The following CTNNA3 variants were observed in gnomAD, a reference collection of about 807,000 sequenced individuals.
The protein encoded by CTNNA3 is catenin alpha 3, also known as catenin alpha-3.
In CTNNA3, 76 loss-of-function variants were observed where a neutral mutation model predicts 95.7. That is an observed-to-expected ratio of 0.79 (90% CI 0.66 to 0.96). CTNNA3 has a LOEUF of 0.96. Ranked by LOEUF, CTNNA3 falls within the 40% of genes least tolerant of loss-of-function variation. The pLI is 0.00. For synonymous variants in CTNNA3, 431 were observed against 374.4 expected (o/e 1.15, Z -1.74); for missense variants, 1,191 against 1,089.8 (o/e 1.09, Z -1.31).
intron 4 of CTNNA3, among the ~76,000 whole-genome samples, chr10:67,533,901 G>A (rs1035648204): frequency 6.6e-6 from 1 of 151,632 alleles, no homozygotes; most frequent in African/African-American, 2.4e-5. Flanking sequence ...ATACTTCAAC[G>A]GGATTGAAAA....
chr10:67,001,095 G>A (rs1369761018), intron 7 of CTNNA3, among the ~76,000 whole-genome samples: 2 of 151,960 alleles, frequency 1.3e-5, no homozygotes, highest in South Asian at 4.1e-4. Context: ...GAGGTCAGGA[G>A]ATCGAGACCA....
At chr10:66,123,525 C>T (rs1401016204) in intron 13 of CTNNA3, among the ~76,000 whole-genome samples, 1 of 152,044 alleles carries the variant, frequency 6.6e-6, no homozygotes, top group African/African-American at 2.4e-5. Flanking sequence ...AGGATGGTGG[C>T]CCTCTTCTCA....
chr10:67,515,728 T>C lies in CTNNA3; in HGVS notation c.579+6114A>G, dbSNP rs116232173. On this transcript the variant is annotated intron_variant, in intron 5 of 17. Transcript: ENST00000433211. ...AAAGGAATAATTCAATCAGAATTCTTTCAGGACAGTTAGATTAATTACAGA... is the reference window on the plus strand; with the variant it reads ...AAAGGAATAATTCAATCAGAATTCTCTCAGGACAGTTAGATTAATTACAGA... Among the ~76,000 whole-genome samples the C allele has an allele frequency of 2.5e-3, 374 of 152,276 alleles. 2 individuals carry two copies. The highest frequency in any genetic ancestry group is 8.5e-3 in the African/African-American group (354 of 41,570).
At chr10:66,970,150 T>C (rs993924893) in intron 7 of CTNNA3, among the ~76,000 whole-genome samples, 3 of 152,040 alleles carry the variant, frequency 2.0e-5, no homozygotes, top group Non-Finnish European at 2.9e-5. Flanking sequence ...CACACAAAAA[T>C]ACAGACACTT....
rs145991306 is a variant in CTNNA3 at position 65,979,156 on chromosome 10, A to G, written c.2265+9536T>C. Among the ~76,000 whole-genome samples the G allele has an allele frequency of 5.1e-3, 782 of 152,284 alleles. 5 individuals are homozygous for G. The highest frequency in any genetic ancestry group is 8.1e-3 in the Non-Finnish European group (550 of 67,992). ...GGCTGAAATTGTCTTGAGTTTAAGA[A>G]TTGTTTCAAATTCCTTTTTATTTTC... On this transcript the variant is annotated intron_variant, in intron 16 of 17. Coordinates refer to ENST00000433211, the MANE Select transcript of CTNNA3 (RefSeq NM_013266.4).
chr10:66,109,018 C>A (rs2082016626), intron 13 of CTNNA3, among the ~76,000 whole-genome samples: 1 of 152,112 alleles, frequency 6.6e-6, no homozygotes, highest in African/African-American at 2.4e-5. Flanking sequence ...ATGTGGAGGA[C>A]TAAAAAGTTT....
chr10:67,689,790 G>A (rs1840807189), intron 1 of CTNNA3, among the ~76,000 whole-genome samples: 1 of 152,208 alleles, frequency 6.6e-6, no homozygotes, highest in East Asian at 1.9e-4. Context: ...CCCTATCCCA[G>A]AAAGCCTGGC....
chr10:66,425,236 T>C (rs1328865992), intron 11 of CTNNA3, among the ~76,000 whole-genome samples: 1 of 151,956 alleles, frequency 6.6e-6, no homozygotes, highest in Non-Finnish European at 1.5e-5. Context: ...AAAGATATTT[T>C]CCTATAAGAT....
chr10:66,914,086 C>A (rs1846354970), intron 7 of CTNNA3, among the ~76,000 whole-genome samples: 1 of 151,282 alleles, frequency 6.6e-6, no homozygotes, highest in Non-Finnish European at 1.5e-5. Context: ...ATCTTGCTAA[C>A]ACAAAATCCA....
chr10:66,706,647 G>T (rs1225355029), intron 9 of CTNNA3, among the ~76,000 whole-genome samples: 3 of 151,860 alleles, frequency 2.0e-5, no homozygotes, highest in African/African-American at 7.2e-5. Flanking sequence ...TGCTTTTTAG[G>T]CTATTGTCTT....
rs60090636 is a variant in CTNNA3 at position 66,042,899 on chromosome 10, C to CAAAA, written c.2159+26405_2159+26408dup. 7.5e-3 allele frequency among the ~76,000 whole-genome samples: 379 copies of CAAAA among 50,382 alleles called. 32 individuals carry two copies. Among genetic ancestry groups the CAAAA allele is most frequent in the African/African-American group, 0.01 (120 of 11,514 alleles). The allele number at this position is 50,382 out of a possible 152,430, so 33.1% of individuals were successfully genotyped here. A position where few individuals can be genotyped will look rare whatever the true frequency, so the allele number is the denominator to read the frequency against. On this transcript the variant is annotated intron_variant, in intron 15 of 17. Transcript: ENST00000433211. ...TGGGTGACTGAGCGAGACTCTGTCTCAAAAAAAAAAAAAAAAAAAAAAAAA... is the reference window on the plus strand; with the variant it reads ...TGGGTGACTGAGCGAGACTCTGTCTCAAAAAAAAAAAAAAAAAAAAAAAAAAAAA...
intron 5 of CTNNA3, among the ~76,000 whole-genome samples, chr10:67,495,469 C>T (rs1255164359): frequency 6.6e-6 from 1 of 152,202 alleles, no homozygotes; most frequent in Non-Finnish European, 1.5e-5. Flanking sequence ...TCTCAGATCT[C>T]CCAAATTTCA....
At chr10:66,549,740 A>G (rs1018518131) in intron 10 of CTNNA3, among the ~76,000 whole-genome samples, 9 of 152,174 alleles carry the variant, frequency 5.9e-5, no homozygotes, top group African/African-American at 2.2e-4. Flanking sequence ...TAATTCATGA[A>G]TTATTTAGAA....
chr10:66,025,696 A>G (rs1271602194), intron 15 of CTNNA3, among the ~76,000 whole-genome samples: 1 of 152,140 alleles, frequency 6.6e-6, no homozygotes, highest in Non-Finnish European at 1.5e-5. Context: ...TGTAAAATGG[A>G]GTACATTTTC....
rs532926398 is a variant in CTNNA3 at position 67,356,105 on chromosome 10, C to A, written c.580-136235G>T. Among the ~76,000 whole-genome samples, 9 of 152,136 alleles carry A rather than the reference C, an allele frequency of 5.9e-5. No individual in the cohort carries two copies. The East Asian group carries it at 1.4e-3, about 23-fold the overall frequency. Reference sequence around the variant, plus strand: ...TCTGGTCTATGCATCCTTAATTTCACCCTGTCTTCCCAAGTTCAGAGCCCA... The same window carrying A: ...TCTGGTCTATGCATCCTTAATTTCAACCTGTCTTCCCAAGTTCAGAGCCCA... On this transcript the variant is annotated intron_variant, in intron 5 of 17. Transcript: ENST00000433211.
chr10:66,757,559 T>C (rs1428860948), intron 9 of CTNNA3, among the ~76,000 whole-genome samples: 1 of 152,116 alleles, frequency 6.6e-6, no homozygotes, highest in Non-Finnish European at 1.5e-5. Flanking sequence ...AATGACTGCA[T>C]GCAGATTTTA....
intron 15 of CTNNA3, among the ~76,000 whole-genome samples, chr10:66,015,292 T>C (rs1335275288): frequency 6.6e-6 from 1 of 152,158 alleles, no homozygotes; most frequent in Admixed American, 6.5e-5. Flanking sequence ...AGGCATTGTT[T>C]GCTGTGGTAG....
intron 13 of CTNNA3, among the ~76,000 whole-genome samples, chr10:66,250,766 A>G (rs1025985939): frequency 3.9e-5 from 6 of 152,084 alleles, no homozygotes; most frequent in African/African-American, 1.4e-4. Flanking sequence ...ATGCTTCTGG[A>G]ATTAATTTAT....
chr10:66,845,398 T>C (rs1222926434), intron 7 of CTNNA3, among the ~76,000 whole-genome samples: 1 of 152,082 alleles, frequency 6.6e-6, no homozygotes, highest in Non-Finnish European at 1.5e-5. Context: ...GGACTAAAAC[T>C]GATACATAAA....
Sources: allele counts gnomAD v4.1 joint callset (sites outside exome capture counted in the v4.1 genomes callset), GRCh38; gene constraint gnomAD v4.1.1; transcripts MANE v1.5; gene names NCBI Gene and HGNC (gene_info 2026-07-23, HGNC 2026-07-21).